Variants in TAS2R1 observed in about 807,000 individuals in gnomAD.
TAS2R1 encodes taste 2 receptor member 1, also known as taste receptor type 2 member 1.
For synonymous variants in TAS2R1, 141 were observed against 134.2 expected, an observed-to-expected ratio of 1.05 and a Z score of -0.35; for missense variants, 370 against 353.4, an observed-to-expected ratio of 1.05 and a Z score of -0.38.
chr5:9,870,797 G>A, the TAS2R1 span, among the ~76,000 whole-genome samples: 1 of 152,154 alleles, frequency 6.6e-6, no homozygotes, highest in African/African-American at 2.4e-5. Context: ...TTCTCCATAT[G>A]GATAGGATGA....
At chr5:9,789,632 C>T in the TAS2R1 span, among the ~76,000 whole-genome samples, 647 of 152,306 alleles carry the variant, frequency 4.2e-3, 5 homozygotes, top group African/African-American at 0.015. Flanking sequence ...ATGCATGAAT[C>T]GATCACACCA....
the TAS2R1 span, among the ~76,000 whole-genome samples, chr5:9,897,768 G>C: frequency 6.6e-6 from 1 of 152,154 alleles, no homozygotes; most frequent in African/African-American, 2.4e-5. Flanking sequence ...TACTTTGGTA[G>C]ACTAAGCAGT....
At chr5:9,796,079 A>T in the TAS2R1 span, among the ~76,000 whole-genome samples, 1 of 152,238 alleles carries the variant, frequency 6.6e-6, no homozygotes, top group Non-Finnish European at 1.5e-5. Context: ...TTGCTCTTCA[A>T]GAGCCAGAAT....
chr5:9,745,588 G>GTT, the TAS2R1 span, among the ~76,000 whole-genome samples: 3,110 of 152,164 alleles, frequency 0.02, 90 homozygotes, highest in African/African-American at 0.069. Context: ...CAATAGAACA[G>GTT]AAGAGAGACC....
At chr5:9,768,398 T>C in the TAS2R1 span, among the ~76,000 whole-genome samples, 8 of 152,154 alleles carry the variant, frequency 5.3e-5, no homozygotes, top group African/African-American at 1.2e-4. Flanking sequence ...TATCACCCAT[T>C]GACCTTCATG....
the TAS2R1 span, among the ~76,000 whole-genome samples, chr5:9,722,917 G>T: frequency 2.0e-5 from 3 of 152,206 alleles, no homozygotes; most frequent in African/African-American, 7.2e-5. Flanking sequence ...CATTTAGGCT[G>T]TGAAATGGTC....
chr5:9,840,866 T>TA, the TAS2R1 span, among the ~76,000 whole-genome samples: 40 of 11,720 alleles, frequency 3.4e-3, no homozygotes, highest in African/African-American at 0.016. Flanking sequence ...TATTTTTTTT[T>TA]TTTTTTTTTT....
At chr5:9,672,311 C>A (rs752628050) in intron 1 of TAS2R1, among the ~76,000 whole-genome samples, 20 of 151,520 alleles carry the variant, frequency 1.3e-4, no homozygotes, top group African/African-American at 4.4e-4. Context: ...TAAGAGCTTC[C>A]GCATACAAAA....
the TAS2R1 span, among the ~76,000 whole-genome samples, chr5:9,756,585 A>G: frequency 1.3e-5 from 2 of 152,230 alleles, no homozygotes; most frequent in East Asian, 3.8e-4. Flanking sequence ...TAAGAAATAC[A>G]TAGCACATAA....
chr5:9,671,536 A>G (rs1740754932), intron 1 of TAS2R1, among the ~76,000 whole-genome samples: 2 of 152,224 alleles, frequency 1.3e-5, no homozygotes, highest in African/African-American at 4.8e-5. Context: ...AATCCCATTC[A>G]TGATAGCCAC....
chr5:9,839,714 C>T, the TAS2R1 span, among the ~76,000 whole-genome samples: 15 of 151,730 alleles, frequency 9.9e-5, no homozygotes, highest in Admixed American at 7.2e-4. Flanking sequence ...GAACAACAGA[C>T]GGGTAGTTTT....
At chr5:9,795,145 G>A in the TAS2R1 span, among the ~76,000 whole-genome samples, 1 of 152,130 alleles carries the variant, frequency 6.6e-6, no homozygotes, top group South Asian at 2.1e-4. Flanking sequence ...CCCTACAGTG[G>A]TACAGAACAC....
chr5:9,784,762 C>G, the TAS2R1 span, among the ~76,000 whole-genome samples: 1 of 152,146 alleles, frequency 6.6e-6, no homozygotes, highest in East Asian at 1.9e-4. Context: ...CTTGGGTTTC[C>G]CTGGCTGGTG....
chr5:9,746,932 A>G, the TAS2R1 span, among the ~76,000 whole-genome samples: 2 of 152,196 alleles, frequency 1.3e-5, no homozygotes, highest in African/African-American at 4.8e-5. Context: ...TTAAAGTAAA[A>G]TAAATAAAAT....
intron 2 of TAS2R1, among the ~76,000 whole-genome samples, chr5:9,648,149 T>G (rs1740231605): frequency 6.6e-6 from 1 of 152,108 alleles, no homozygotes. Context: ...CACAGCAGTA[T>G]GGATTGGGGA....
chr5:9,681,598 C>T (rs1414262060), intron 1 of TAS2R1, among the ~76,000 whole-genome samples: 1 of 147,898 alleles, frequency 6.8e-6, no homozygotes, highest in African/African-American at 2.5e-5. Flanking sequence ...TTCTGCATGA[C>T]ATTCCATTAT....
the TAS2R1 span, among the ~76,000 whole-genome samples, chr5:9,766,996 T>A: frequency 3.3e-5 from 5 of 152,134 alleles, no homozygotes; most frequent in Non-Finnish European, 5.9e-5. Context: ...TCTTCTTTCA[T>A]GAGTCTAAAC....
At chr5:9,774,259 T>C in the TAS2R1 span, among the ~76,000 whole-genome samples, 4,501 of 152,300 alleles carry the variant, frequency 0.03, 292 homozygotes, top group East Asian at 0.28. Context: ...CCAGAATTTC[T>C]GCTTGATTCT....
At chr5:9,754,292 G>A in the TAS2R1 span, among the ~76,000 whole-genome samples, 3 of 152,094 alleles carry the variant, frequency 2.0e-5, no homozygotes, top group Non-Finnish European at 4.4e-5. Context: ...CAAACCCACA[G>A]CCAATATCAT....
Sources: gnomAD v4.1 joint callset for allele counts (sites outside exome capture counted in the v4.1 genomes callset) on GRCh38, gnomAD v4.1.1 for gene constraint, MANE v1.5 for transcripts, NCBI Gene and HGNC (gene_info 2026-07-23, HGNC 2026-07-21) for gene names.